Variants in ADGRV1 observed in about 807,000 individuals in gnomAD.
ADGRV1 encodes the protein G-protein coupled receptor 98.
Under a neutral mutation model 596.2 loss-of-function variants are expected in ADGRV1, and 359 were observed. That is an observed-to-expected ratio of 0.60 (90% CI 0.55 to 0.66). The LOEUF is 0.66. ADGRV1 is among the 30% of genes least tolerant of loss of function. The probability of loss-of-function intolerance (pLI) is 0.00; values close to 1 mark genes in which losing one functional copy is unlikely to be tolerated. For missense variants in ADGRV1, 7,274 were observed against 7,575.6 expected, an observed-to-expected ratio of 0.96 and a Z score of 1.48; for synonymous variants, 2,681 against 2,679.2, an observed-to-expected ratio of 1.00 and a Z score of -0.02.
At chr5:90,805,606 G>T (rs1761830505) in intron 72 of ADGRV1, 148 bp downstream of exon 72, 2 of 612,772 alleles carry the variant, frequency 3.3e-6, no homozygotes, top group East Asian at 5.9e-5. Flanking sequence ...AGTAGTGCAG[G>T]CTGCTTGGTG....
At chr5:90,610,026 C>G (rs930926407) in intron 1 of ADGRV1, among the ~76,000 whole-genome samples, 1 of 151,878 alleles carries the variant, frequency 6.6e-6, no homozygotes, top group African/African-American at 2.4e-5. Context: ...TTATTTTACT[C>G]TCTTCCTTAT....
chr5:91,088,320 A>G (rs1231458307), intron 86 of ADGRV1, among the ~76,000 whole-genome samples: 1 of 152,166 alleles, frequency 6.6e-6, no homozygotes, highest in African/African-American at 2.4e-5. Context: ...GTATTTGCAA[A>G]TAAATATTTA....
At chr5:91,060,398 A>ATATATATATATATATTTTT (rs796332430) in intron 85 of ADGRV1, among the ~76,000 whole-genome samples, 1 of 60,478 alleles carries the variant, frequency 1.7e-5, no homozygotes, top group African/African-American at 4.7e-5. Flanking sequence ...ATATATATAT[A>ATATATATATATATATTTTT]TTTTTTTTTT....
Position 90,696,987 on chromosome 5 carries a change from G to A in ADGRV1, c.7996G>A (p.Glu2666Lys), listed in dbSNP as rs1747269252. ...ILTILDDSEPEDDESIIVSLV... is the reference protein window; with the variant it reads ...ILTILDDSEPKDDESIIVSLV... ...AACCATCTTGGATGACTCTGAACCAGAGGATGACGAAAGTATCATAGTTAG... is the reference window on the plus strand; with the variant it reads ...AACCATCTTGGATGACTCTGAACCAAAGGATGACGAAAGTATCATAGTTAG... Residue 2666 changes from glutamate (E) to lysine (K), a missense_variant, in exon 34 of 90, where the codon GAG (glutamate) becomes AAG (lysine). By Grantham distance (56) the Glu-to-Lys change is moderately conservative (BLOSUM62 1). Transcript: ENST00000405460. 6.2e-7 allele frequency: 1 copy of A among 1,612,962 alleles called. No individual in the cohort carries two copies.
At chr5:91,062,913 C>T (rs1457002796) in intron 85 of ADGRV1, among the ~76,000 whole-genome samples, 1 of 145,706 alleles carries the variant, frequency 6.9e-6, no homozygotes, top group Admixed American at 6.9e-5. Context: ...GGTTAAGCTA[C>T]TTTATGTCTA....
chr5:91,117,399 A>G (rs1000393993), intron 87 of ADGRV1, among the ~76,000 whole-genome samples: 5 of 152,152 alleles, frequency 3.3e-5, no homozygotes, highest in Non-Finnish European at 7.4e-5. Flanking sequence ...AAATCAGAAC[A>G]AGAACAATAA....
chr5:90,800,326 CTCA>C (rs1761218992), intron 70 of ADGRV1, among the ~76,000 whole-genome samples: 1 of 152,286 alleles, frequency 6.6e-6, no homozygotes, highest in Admixed American at 6.5e-5. Context: ...TGAAAAAATG[CTCA>C]TCATCACTGG....
chr5:91,000,653 C>T (rs1490868020), intron 85 of ADGRV1, among the ~76,000 whole-genome samples: 1 of 142,876 alleles, frequency 7.0e-6, no homozygotes, highest in Non-Finnish European at 1.5e-5. Flanking sequence ...TCCAGAGAAA[C>T]AGAGCTTACA....
chr5:91,079,267 A>G (rs940873136), intron 86 of ADGRV1, among the ~76,000 whole-genome samples: 13 of 152,184 alleles, frequency 8.5e-5, no homozygotes, highest in Non-Finnish European at 1.8e-4. Flanking sequence ...CCGTGAACAG[A>G]CACTCCCACT....
intron 83 of ADGRV1, among the ~76,000 whole-genome samples, chr5:90,866,412 G>A (rs1018897357): frequency 6.6e-6 from 1 of 151,658 alleles, no homozygotes; most frequent in African/African-American, 2.4e-5. Context: ...TCAAGATTCT[G>A]CTTGAATCTG....
chr5:90,580,972 A>G (rs1006901378), intron 1 of ADGRV1, among the ~76,000 whole-genome samples: 1 of 151,968 alleles, frequency 6.6e-6, no homozygotes, highest in African/African-American at 2.4e-5. Flanking sequence ...TTTTTCTCTA[A>G]CCTTGTCTTC....
intron 87 of ADGRV1, among the ~76,000 whole-genome samples, chr5:91,148,029 C>A (rs1042805091): frequency 6.6e-6 from 1 of 152,230 alleles, no homozygotes; most frequent in Admixed American, 6.5e-5. Context: ...CATTTTACCC[C>A]CTCCCTAGAA....
In ADGRV1 at chr5:90,579,559, G is replaced by T. The variant is rs139078266; in HGVS notation, c.22+20642G>T. ...TCAATTTTAGAATAAGTGTGATGTG[G>T]TGCTGAGAAGAATGTATATTCTGTT... On this transcript the variant is annotated intron_variant, in intron 1 of 89. Coordinates refer to ENST00000405460, the MANE Select transcript of ADGRV1 (RefSeq NM_032119.4). Among the ~76,000 whole-genome samples, 79 of 152,318 alleles carry T rather than the reference G, an allele frequency of 5.2e-4. 1 individual carries two copies. In the East Asian group the frequency reaches 0.014, roughly 28 times the overall value.
rs1759696644 is a variant in ADGRV1, at chr5:90,788,281, G to C, written c.13864G>C (p.Asp4622His). ...TCTTGTGAAAGGAGAAGCTAAATTA[G>C]ACTCCAGAGCTAAAGATGTTACATT... The part of the protein sequence containing the change: ...LHLVKGEAKL[D>H]SRAKDVTLTI... Residue 4622 changes from aspartate (D) to histidine (H), a missense_variant, in exon 68 of 90, where the codon GAC becomes CAC. By Grantham distance (81) the Asp-to-His change is moderately conservative. Transcript: ENST00000405460. 1 of 1,612,754 alleles carries C rather than the reference G, an allele frequency of 6.2e-7. No homozygotes were observed. The highest frequency in any genetic ancestry group is 8.5e-7 in the Non-Finnish European group (1 of 1,179,088).
intron 1 of ADGRV1, among the ~76,000 whole-genome samples, chr5:90,564,764 C>T (rs1378703188): frequency 4.4e-4 from 39 of 87,844 alleles, no homozygotes; most frequent in Middle Eastern, 5.7e-3. Context: ...GTAGCTGGGA[C>T]TACAGGCGCC....
chr5:90,605,432 TA>T (rs1378460097), intron 1 of ADGRV1, among the ~76,000 whole-genome samples: 3 of 149,630 alleles, frequency 2.0e-5, no homozygotes, highest in Non-Finnish European at 3.0e-5. Flanking sequence ...AAAAAAAAGA[TA>T]AAAAAATAGA....
intron 17 of ADGRV1, among the ~76,000 whole-genome samples, chr5:90,651,205 A>G (rs1223381239): frequency 6.6e-6 from 1 of 152,164 alleles, no homozygotes; most frequent in Non-Finnish European, 1.5e-5. Context: ...TATTATTTGT[A>G]TGAAATAAAA....
Position 90,724,841 on chromosome 5 carries a change from A to G in ADGRV1, c.9758A>G (p.Asp3253Gly), listed in dbSNP as rs770498120. The change falls in exon 46 of 90, where the codon GAT becomes GGT. Residue 3253 changes from aspartate to glycine, a missense_variant. This residue lies in a region of ADGRV1 where 3,643 missense variants were observed against 3,809.2 expected (regional missense o/e 0.96). Transcript: ENST00000405460. ...SETAFGMRGM[D>G]VVFSVFQSFL... The stretch of plus-strand genomic sequence containing the variant: ...GATTTGTGTTTTTCAGGGGGAATGG[A>G]TGTTGTGTTTTCCGTATTTCAAAGT... The G allele has an allele frequency of 1.2e-6, 2 of 1,613,088 alleles. No individual in the cohort carries two copies. The highest frequency in any genetic ancestry group is 2.7e-5 in the African/African-American group (2 of 74,988).
chr5:91,042,174 G>A (rs1478298216), intron 85 of ADGRV1, among the ~76,000 whole-genome samples: 1 of 152,156 alleles, frequency 6.6e-6, no homozygotes, highest in Non-Finnish European at 1.5e-5. Flanking sequence ...AATCAGTAGA[G>A]TAGTTAATAC....
Sources: gnomAD v4.1 joint callset for allele counts (sites outside exome capture counted in the v4.1 genomes callset) on GRCh38, gnomAD v4.1.1 for gene constraint, gnomAD v4.1.1 regional missense constraint, MANE v1.5 for transcripts, NCBI Gene and HGNC (gene_info 2026-07-23, HGNC 2026-07-21) for gene names.